DZIP3: variants seen among roughly 807,000 people sequenced by gnomAD.
DZIP3 encodes E3 ubiquitin-protein ligase DZIP3.
DZIP3 carries 118 observed loss-of-function variants against 162.0 expected under a neutral mutation model. The ratio of observed to expected loss-of-function variants is 0.73; its 90% CI spans 0.63 to 0.85. The LOEUF (loss-of-function observed/expected upper bound fraction) is 0.85, where lower values mean the gene tolerates loss of function less well. Among genes scored for constraint, DZIP3 ranks in the 40% least tolerant of loss-of-function variants. DZIP3 has a pLI of 0.00. For synonymous variants in DZIP3, 438 were observed against 458.6 expected, an observed-to-expected ratio of 0.96 and a Z score of 0.57; for missense variants, 1,331 against 1,407.0, an observed-to-expected ratio of 0.95 and a Z score of 0.86.
chr3:108,664,174 G>A (rs1310840680), intron 21 of DZIP3, among the ~76,000 whole-genome samples: 1 of 152,166 alleles, frequency 6.6e-6, no homozygotes, highest in Admixed American at 6.5e-5. Context: ...TCGGGACACT[G>A]CAGAAGCCTT....
At chr3:108,659,676 T>C (rs1461204669) in intron 19 of DZIP3, among the ~76,000 whole-genome samples, 1 of 152,116 alleles carries the variant, frequency 6.6e-6, no homozygotes, top group Non-Finnish European at 1.5e-5. Flanking sequence ...GGTATTCAAT[T>C]AGGAAAAGAG....
intron 8 of DZIP3, among the ~76,000 whole-genome samples, chr3:108,632,550 C>G (rs1287775489): frequency 1.3e-5 from 2 of 152,206 alleles, no homozygotes; most frequent in African/African-American, 4.8e-5. Context: ...AATGCAGTGA[C>G]CTACAGGTTG....
chr3:108,632,698 A>T (rs775112578), intron 8 of DZIP3, among the ~76,000 whole-genome samples: 11 of 152,172 alleles, frequency 7.2e-5, no homozygotes, highest in Non-Finnish European at 1.3e-4. Flanking sequence ...GGCTTCAAAC[A>T]TACACTTCTC....
intron 8 of DZIP3, among the ~76,000 whole-genome samples, chr3:108,630,615 T>G (rs1414737797): frequency 6.6e-6 from 1 of 152,090 alleles, no homozygotes; most frequent in Non-Finnish European, 1.5e-5. Context: ...AAGTAATAAT[T>G]TTATGCATTT....
At chr3:108,636,321 C>A (rs9844167) in intron 10 of DZIP3, among the ~76,000 whole-genome samples, 2 of 151,916 alleles carry the variant, frequency 1.3e-5, no homozygotes, top group Admixed American at 1.3e-4. Flanking sequence ...ATCCTCTTTA[C>A]CCATACTTAA....
At chr3:108,638,115 T>C (rs1485886371) in intron 12 of DZIP3, among the ~76,000 whole-genome samples, 4 of 152,206 alleles carry the variant, frequency 2.6e-5, no homozygotes, top group Non-Finnish European at 4.4e-5. Flanking sequence ...TTTTCCCTTA[T>C]TAGTTAATGA....
chr3:108,590,780 T>C (rs1033287668), intron 1 of DZIP3, among the ~76,000 whole-genome samples: 2 of 152,330 alleles, frequency 1.3e-5, no homozygotes, highest in African/African-American at 4.8e-5. Context: ...TCTAGGCAAG[T>C]TCTCACTGCT....
chr3:108,675,686 T>A, intron 24 of DZIP3, 100 bp from the exon 25 acceptor site: 1 of 997,230 alleles, frequency 1.0e-6, no homozygotes, highest in Non-Finnish European at 1.4e-6. Context: ...TAATTTTGTT[T>A]TTTGTTGACA....
Position 108,647,937 on chromosome 3 carries a change from G to T in DZIP3, c.1793-6G>T. 6.6e-7 allele frequency: 1 copy of T among 1,518,834 alleles called. No individual in the cohort carries two copies. Among genetic ancestry groups the T allele is most frequent in the Middle Eastern group, 2.0e-4 (1 of 5,110 alleles). The allele number at this position is 1,518,834 out of a possible 1,614,324, so 94.1% of individuals were successfully genotyped here. A position where few individuals can be genotyped will look rare whatever the true frequency, so the allele number is the denominator to read the frequency against. On this transcript the variant is annotated splice_region_variant and splice_polypyrimidine_tract_variant and intron_variant, in intron 15 of 32. Transcript: ENST00000361582. ...AGATTTTGAGAATTTTGTCTTTTAT[G>T]TTTAGGTATTGAAATAGAAGAGTTA...
rs1306534707 is a variant in DZIP3, at chr3:108,653,495, TTG to T, written c.2034-638_2034-637del. Among the ~76,000 whole-genome samples the T allele has an allele frequency of 5.5e-3, 549 of 99,038 alleles. 6 individuals are homozygous for T. The highest frequency in any genetic ancestry group is 0.017 in the African/African-American group (500 of 29,464). 65.0% of individuals were successfully genotyped at this position (99,038 alleles called of 152,430 possible). ...AAGTGTAGAAATTGGTTAATTGCCA[TTG>T]TGTGTGTGTGTATATATATATATAT... On this transcript the variant is annotated intron_variant, in intron 18 of 32. Transcript: ENST00000361582.
intron 1 of DZIP3, 135 bp from the exon 2 acceptor site, chr3:108,605,200 G>C (rs565622490): frequency 6.4e-6 from 4 of 621,144 alleles, no homozygotes; most frequent in Non-Finnish European, 2.7e-6. Flanking sequence ...GATTATGTTT[G>C]GGTGGCGAAA....
Position 108,644,635 on chromosome 3 carries a change from T to C in DZIP3, c.1613T>C (p.Leu538Pro), listed in dbSNP as rs1293728710. The C allele has an allele frequency of 6.8e-6, 11 of 1,613,982 alleles. No homozygotes were observed. In the Admixed American group the frequency reaches 1.8e-4, roughly 27 times the overall value. Residue 538 changes from leucine to proline, a missense_variant, in exon 14 of 33, where the codon CTG becomes CCG. By Grantham distance (98) the Leu-to-Pro change is moderately conservative. Transcript: ENST00000361582. ...TGGAAAAAAGTTTCAGATATTCTTC[T>C]GCGCCTTGGGATGATGCAAGAGGAT... ...SIWKKVSDIL[L>P]RLGMMQEDID...
chr3:108,691,175 TG>T (rs1442563594), intron 32 of DZIP3: 1 of 245,226 alleles, frequency 4.1e-6, no homozygotes, highest in Non-Finnish European at 7.8e-6. Flanking sequence ...TTTCTTAGGA[TG>T]TTTTTTCTTG....
intron 7 of DZIP3, among the ~76,000 whole-genome samples, chr3:108,628,130 G>C (rs771368946): frequency 3.3e-5 from 5 of 152,182 alleles, no homozygotes; most frequent in Non-Finnish European, 5.9e-5. Context: ...GCCCACCTCG[G>C]CCTCCCAGAG....
intron 5 of DZIP3, among the ~76,000 whole-genome samples, chr3:108,620,504 T>C (rs1296496669): frequency 6.6e-6 from 1 of 152,216 alleles, no homozygotes; most frequent in Non-Finnish European, 1.5e-5. Flanking sequence ...TGCCCAGGCT[T>C]GTATAGTTCT....
intron 24 of DZIP3, 103 bp from the exon 25 acceptor site, chr3:108,675,683 G>GT (rs1944080974): frequency 1.1e-6 from 1 of 916,220 alleles, no homozygotes; most frequent in Non-Finnish European, 1.6e-6. Context: ...GGGTAATTTT[G>GT]TTTTTTGTTG....
At chr3:108,624,950 A>AT (rs1391214465) in intron 6 of DZIP3, among the ~76,000 whole-genome samples, 2 of 151,562 alleles carry the variant, frequency 1.3e-5, no homozygotes, top group South Asian at 4.2e-4. Context: ...TATTTCTCTT[A>AT]TTTTTTCTTC....
chr3:108,678,738 T>C (rs1944201317), intron 26 of DZIP3, among the ~76,000 whole-genome samples: 1 of 151,944 alleles, frequency 6.6e-6, no homozygotes, highest in Non-Finnish European at 1.5e-5. Context: ...GATCTGGCAG[T>C]AGGAAGAGAG....
At chr3:108,670,159 A>G (rs1480588851) in intron 22 of DZIP3, among the ~76,000 whole-genome samples, 1 of 151,964 alleles carries the variant, frequency 6.6e-6, no homozygotes, top group Non-Finnish European at 1.5e-5. Flanking sequence ...TCCATTTCAT[A>G]CAGCATAAAA....
Sources: gnomAD v4.1 joint callset for allele counts (sites outside exome capture counted in the v4.1 genomes callset) on GRCh38, gnomAD v4.1.1 for gene constraint, MANE v1.5 for transcripts, NCBI Gene and HGNC (gene_info 2026-07-23, HGNC 2026-07-21) for gene names.